Variants in ZFP64 observed in about 807,000 individuals in gnomAD.
ZFP64 encodes ZFP64 zinc finger protein.
In ZFP64, 14 loss-of-function variants were observed where a neutral mutation model predicts 51.6. The observed-to-expected ratio is 0.27, with a 90% CI of 0.18 to 0.42. ZFP64 has a LOEUF of 0.42. Among genes scored for constraint, ZFP64 ranks in the 10% least tolerant of loss-of-function variants. The probability of loss-of-function intolerance (pLI) is 1.00; values close to 1 mark genes in which losing one functional copy is unlikely to be tolerated. For synonymous variants in ZFP64, 375 were observed against 361.4 expected, an observed-to-expected ratio of 1.04 and a Z score of -0.43; for missense variants, 754 against 906.8, an observed-to-expected ratio of 0.83 and a Z score of 2.16.
At chr20:52,187,549 C>T (rs1197447069) in intron 1 of ZFP64, among the ~76,000 whole-genome samples, 1 of 151,898 alleles carries the variant, frequency 6.6e-6, no homozygotes, top group East Asian at 1.9e-4. Context: ...TTGAACCCAG[C>T]AGGCAGAGGT....
chr20:52,106,055 T>C (rs1360363914), intron 5 of ZFP64, among the ~76,000 whole-genome samples: 2 of 152,152 alleles, frequency 1.3e-5, no homozygotes, highest in African/African-American at 4.8e-5. Flanking sequence ...AGGCCAGAAA[T>C]GTGTGTTTTT....
At chr20:52,143,629 C>T (rs1171735999) in intron 5 of ZFP64, among the ~76,000 whole-genome samples, 1 of 141,532 alleles carries the variant, frequency 7.1e-6, no homozygotes, top group African/African-American at 2.5e-5. Flanking sequence ...TCAACCTCCC[C>T]AGCTCAAGTG....
intron 5 of ZFP64, chr20:52,111,048 A>C (rs1243111941): frequency 7.3e-7 from 1 of 1,371,204 alleles, no homozygotes; most frequent in Non-Finnish European, 1.0e-6. Flanking sequence ...CGCTGCTGCC[A>C]TGCGGAGCGG....
chr20:52,189,369 C>A (rs890405280), intron 1 of ZFP64, among the ~76,000 whole-genome samples: 19 of 145,856 alleles, frequency 1.3e-4, no homozygotes, highest in African/African-American at 5.1e-4. Context: ...GAACTTCCAG[C>A]CTGGTGACAG....
rs182616144 is a variant in ZFP64 at position 52,104,065 on chromosome 20, C to T, written c.764-5478G>A. On this transcript the variant is annotated intron_variant, in intron 5 of 8. Transcript: ENST00000361387. Reference sequence around the variant, plus strand: ...AAAGAGCGGGGGAGAAGAGGAAGTCCAGTTACAACTCCTTTCCTCAGCCCC... The same window carrying T: ...AAAGAGCGGGGGAGAAGAGGAAGTCTAGTTACAACTCCTTTCCTCAGCCCC... 7.7e-4 allele frequency among the ~76,000 whole-genome samples: 118 copies of T among 152,304 alleles called. 1 individual carries two copies. Among genetic ancestry groups the T allele is most frequent in the Middle Eastern group, 3.4e-3 (1 of 292 alleles).
intron 4 of ZFP64, among the ~76,000 whole-genome samples, chr20:52,161,450 C>CT (rs11469696): frequency 0.017 from 1,980 of 115,062 alleles, 61 homozygotes; most frequent in African/African-American, 0.048. Flanking sequence ...TGATTGCTTT[C>CT]TTTTTTTTTT....
At position 52,190,371 on chromosome 20, in the gene ZFP64, G is replaced by A. The variant is rs566816900; in HGVS notation, c.46+1220C>T. ...AAAGTAACGACATAGACCTTCGTTA[G>A]AATCTTGACACTGTCGCTTAACAAC... On this transcript the variant is annotated intron_variant, in intron 1 of 5. Transcript: ENST00000216923. Among the ~76,000 whole-genome samples, 3 of 152,312 alleles carry A rather than the reference G, an allele frequency of 2.0e-5. No individual in the cohort carries two copies. The East Asian group carries it at 5.8e-4, about 29-fold the overall frequency.
intron 2 of ZFP64, among the ~76,000 whole-genome samples, chr20:52,179,162 A>AG (rs1983442689): frequency 6.6e-6 from 1 of 152,160 alleles, no homozygotes; most frequent in Non-Finnish European, 1.5e-5. Context: ...GGTTTTAAAA[A>AG]GGGGGGTGTC....
chr20:52,094,835 A>G (rs1377355518), intron 7 of ZFP64, among the ~76,000 whole-genome samples: 1 of 152,202 alleles, frequency 6.6e-6, no homozygotes, highest in East Asian at 1.9e-4. Flanking sequence ...CAGTATTCCT[A>G]GCTTTCTGAG....
chr20:52,109,961 T>C (rs528469754), intron 5 of ZFP64, among the ~76,000 whole-genome samples: 1 of 152,272 alleles, frequency 6.6e-6, no homozygotes, highest in South Asian at 2.1e-4. Flanking sequence ...GAAAACTAGT[T>C]ACTTCTTCAT....
At chr20:52,086,450 T>G (rs938664555) in intron 8 of ZFP64, among the ~76,000 whole-genome samples, 6 of 151,598 alleles carry the variant, frequency 4.0e-5, no homozygotes, top group African/African-American at 1.5e-4. Context: ...AGTCATCCAC[T>G]CTCATAATTT....
chr20:52,110,658 C>T, intron 5 of ZFP64: 1 of 1,367,076 alleles, frequency 7.3e-7, no homozygotes, highest in Middle Eastern at 1.9e-4. Context: ...AGCTGGCCAC[C>T]AGGCCACCTG....
At chr20:52,172,856 G>T (rs1320027851) in intron 2 of ZFP64, among the ~76,000 whole-genome samples, 1 of 152,182 alleles carries the variant, frequency 6.6e-6, no homozygotes, top group African/African-American at 2.4e-5. Flanking sequence ...CAGCTTTCAG[G>T]TTTGTTTTCT....
intron 2 of ZFP64, among the ~76,000 whole-genome samples, chr20:52,172,868 G>A (rs1382684233): frequency 6.6e-6 from 1 of 152,178 alleles, no homozygotes; most frequent in Non-Finnish European, 1.5e-5. Context: ...TTGTTTTCTG[G>A]CTCCAGGGGA....
chr20:52,099,060 C>T (rs1220291847), intron 5 of ZFP64, among the ~76,000 whole-genome samples: 1 of 151,046 alleles, frequency 6.6e-6, no homozygotes, highest in African/African-American at 2.4e-5. Context: ...AAGTCCTCTT[C>T]CCCTTACTAC....
chr20:52,104,607 C>T, intron 5 of ZFP64: 1 of 443,142 alleles, frequency 2.3e-6, no homozygotes, highest in Non-Finnish European at 4.7e-6. Context: ...GCCCTGGGTC[C>T]CTGCGCTTCT....
chr20:52,125,790 C>T (rs1320533539), intron 5 of ZFP64, among the ~76,000 whole-genome samples: 1 of 152,186 alleles, frequency 6.6e-6, no homozygotes, highest in Non-Finnish European at 1.5e-5. Context: ...ACACAAGATA[C>T]ACTGGGAAAG....
At chr20:52,087,050 C>T (rs1475868432) in intron 8 of ZFP64, among the ~76,000 whole-genome samples, 1 of 152,100 alleles carries the variant, frequency 6.6e-6, no homozygotes, top group Non-Finnish European at 1.5e-5. Context: ...GATAGTTTGG[C>T]TGGGTATAGA....
exon 9 of ZFP64, chr20:52,084,445 G>T: frequency 9.1e-7 from 1 of 1,100,448 alleles, no homozygotes; most frequent in Non-Finnish European, 1.3e-6. Flanking sequence ...AGTTGGAGCG[G>T]CCAGCCCCAG....
Sources: gnomAD v4.1 joint callset for allele counts (sites outside exome capture counted in the v4.1 genomes callset) on GRCh38, gnomAD v4.1.1 for gene constraint, MANE v1.5 for transcripts, NCBI Gene and HGNC (gene_info 2026-07-23, HGNC 2026-07-21) for gene names.